DAB1: variants seen among roughly 807,000 people sequenced by gnomAD.
The protein encoded by DAB1 is DAB adaptor protein 1, also known as disabled homolog 1.
A neutral mutation model predicts 64.6 loss-of-function variants in DAB1; 15 were observed. The ratio of observed to expected loss-of-function variants is 0.23; its 90% CI spans 0.16 to 0.36. The LOEUF (loss-of-function observed/expected upper bound fraction) is 0.36, where lower values mean the gene tolerates loss of function less well. Ranked by LOEUF, DAB1 falls within the 10% of genes least tolerant of loss-of-function variation. The pLI is 1.00. For synonymous variants in DAB1, 235 were observed against 251.9 expected, an observed-to-expected ratio of 0.93 and a Z score of 0.64; for missense variants, 596 against 706.7, an observed-to-expected ratio of 0.84 and a Z score of 1.78.
chr1:58,151,967 G>T lies in DAB1; in HGVS notation n.310-1379C>A, dbSNP rs577262940. Among the ~76,000 whole-genome samples the T allele has an allele frequency of 3.3e-5, 5 of 152,266 alleles. No homozygotes were observed. The East Asian group carries it at 7.7e-4, about 23-fold the overall frequency. Reference sequence around the variant, plus strand: ...GTCTTTATCAGAGATTTAAGTAACAGAAGAATATCCCAGGCAGAGAGAACA... The same window carrying T: ...GTCTTTATCAGAGATTTAAGTAACATAAGAATATCCCAGGCAGAGAGAACA... On this transcript the variant is annotated intron_variant and non_coding_transcript_variant, in intron 4 of 20. Coordinates refer to the DAB1 transcript ENST00000485760.
chr1:57,510,549 T>C (rs929729792), intron 7 of DAB1, among the ~76,000 whole-genome samples: 6 of 152,150 alleles, frequency 3.9e-5, no homozygotes, highest in Non-Finnish European at 7.3e-5. Context: ...CTAAATATTA[T>C]TTGGCTTTCT....
At chr1:57,505,703 C>G (rs1007772342) in intron 7 of DAB1, among the ~76,000 whole-genome samples, 1 of 152,192 alleles carries the variant, frequency 6.6e-6, no homozygotes, top group African/African-American at 2.4e-5. Context: ...CAGGGTCTCA[C>G]TCTGTCCTCC....
At chr1:58,166,162 T>C (rs1397698043) in intron 4 of DAB1, among the ~76,000 whole-genome samples, 2 of 152,064 alleles carry the variant, frequency 1.3e-5, no homozygotes, top group Non-Finnish European at 2.9e-5. Context: ...TAAAGCTCTA[T>C]TGAGATATAA....
chr1:58,037,225 G>A lies in DAB1; in HGVS notation n.387+113286C>T, dbSNP rs147771937. Reference sequence around the variant, plus strand: ...CACACACAGATTTCTAGAGGCACCTGGGAGGGTATTTATCCTTAGAGGCAG... The same window carrying A: ...CACACACAGATTTCTAGAGGCACCTAGGAGGGTATTTATCCTTAGAGGCAG... On this transcript the variant is annotated intron_variant and non_coding_transcript_variant, in intron 5 of 20. Transcript: ENST00000485760. Among the ~76,000 whole-genome samples, 6 of 152,278 alleles carry A rather than the reference G, an allele frequency of 3.9e-5. No homozygotes were observed. The East Asian group carries it at 1.2e-3, about 29-fold the overall frequency.
At chr1:57,638,601 T>C (rs1475791710) in intron 7 of DAB1, among the ~76,000 whole-genome samples, 1 of 152,210 alleles carries the variant, frequency 6.6e-6, no homozygotes, top group African/African-American at 2.4e-5. Flanking sequence ...CTCAGGATTA[T>C]CACCTATTTC....
intron 5 of DAB1, among the ~76,000 whole-genome samples, chr1:58,134,388 A>T (rs192362149): frequency 6.6e-6 from 1 of 152,320 alleles, no homozygotes; most frequent in East Asian, 1.9e-4. Flanking sequence ...AACCTTTGTC[A>T]TCTAATCACA....
At chr1:57,699,779 G>T (rs1368282910) in intron 6 of DAB1, among the ~76,000 whole-genome samples, 2 of 152,106 alleles carry the variant, frequency 1.3e-5, no homozygotes, top group Non-Finnish European at 2.9e-5. Flanking sequence ...TCGGCGTGGT[G>T]GTGCGTGCCT....
At chr1:57,664,863 A>G (rs1185807614) in intron 6 of DAB1, among the ~76,000 whole-genome samples, 1 of 152,070 alleles carries the variant, frequency 6.6e-6, no homozygotes, top group Non-Finnish European at 1.5e-5. Flanking sequence ...TACTTTTGTA[A>G]AAAGTACTTA....
At chr1:58,288,388 T>G (rs1661741035) in intron 4 of DAB1, among the ~76,000 whole-genome samples, 1 of 152,234 alleles carries the variant, frequency 6.6e-6, no homozygotes, top group East Asian at 1.9e-4. Flanking sequence ...ATGGAAAATT[T>G]TCCAGTATGG....
rs2100962667 is a variant in DAB1, at chr1:57,179,813, G to C, written c.68-34384C>G. On this transcript the variant is annotated intron_variant, in intron 2 of 14. Transcript: ENST00000371236. ...ATTGCTTTACATGTCATAAGGAAAA[G>C]TACTATTTAAACAAGAGTAGCATTG... Among the ~76,000 whole-genome samples the C allele has an allele frequency of 1.3e-5, 2 of 152,240 alleles. 1 individual carries two copies. Among genetic ancestry groups the C allele is most frequent in the South Asian group, 4.2e-4 (2 of 4,818 alleles).
At chr1:58,358,999 G>A (rs1402885261) in intron 3 of DAB1, among the ~76,000 whole-genome samples, 1 of 121,292 alleles carries the variant, frequency 8.2e-6, no homozygotes, top group African/African-American at 2.8e-5. Context: ...TGGGATCTAG[G>A]TTAGGTCTGA....
chr1:58,466,550 C>T (rs551618957), intron 3 of DAB1, among the ~76,000 whole-genome samples: 1 of 152,080 alleles, frequency 6.6e-6, no homozygotes, highest in Non-Finnish European at 1.5e-5. Context: ...ATGGGATACT[C>T]GGGAAGAATG....
intron 1 of DAB1, among the ~76,000 whole-genome samples, chr1:57,367,733 C>G (rs1265792980): frequency 6.6e-6 from 1 of 152,144 alleles, no homozygotes; most frequent in Non-Finnish European, 1.5e-5. Flanking sequence ...GAGCACTGTC[C>G]CTTCTGAGTT....
At chr1:57,836,732 T>C (rs1393141283) in intron 1 of DAB1, among the ~76,000 whole-genome samples, 1 of 152,196 alleles carries the variant, frequency 6.6e-6, no homozygotes, top group Admixed American at 6.5e-5. Flanking sequence ...CCACACATAA[T>C]AGCTAACAGA....
In DAB1 at chr1:57,145,553, T is replaced by A. The variant is rs1008602115; in HGVS notation, c.68-124A>T. 3.1e-6 allele frequency: 3 copies of A among 981,824 alleles called. No individual in the cohort carries two copies. The African/African-American group carries it at 4.9e-5, about 16-fold the overall frequency. 60.8% of individuals were successfully genotyped at this position (981,824 alleles called of 1,614,324 possible). The stretch of plus-strand genomic sequence containing the variant: ...TTCCCGGAAAGTCAAATCACTGGAC[T>A]CAGGAGAAAAGAATAGCAGTATTCC... On this transcript the variant is annotated intron_variant, in intron 2 of 14. Coordinates refer to ENST00000371236, the MANE Select transcript of DAB1 (RefSeq NM_001365792.1).
At chr1:58,246,457 A>G (rs1460192465) in intron 4 of DAB1, among the ~76,000 whole-genome samples, 1 of 152,228 alleles carries the variant, frequency 6.6e-6, no homozygotes, top group Non-Finnish European at 1.5e-5. Context: ...ATGCATGAGG[A>G]GAGTCTACAG....
chr1:57,611,428 A>G (rs17470462), intron 7 of DAB1, among the ~76,000 whole-genome samples: 26,384 of 152,162 alleles, frequency 0.17, 2,335 homozygotes, highest in South Asian at 0.29. Context: ...AAGGCTGATT[A>G]TATGCATAAA....
intron 2 of DAB1, among the ~76,000 whole-genome samples, chr1:57,154,001 C>T (rs1659973037): frequency 6.6e-6 from 1 of 152,170 alleles, no homozygotes; most frequent in African/African-American, 2.4e-5. Context: ...ATACTAATCA[C>T]ATCATGGAGA....
chr1:57,931,728 T>C (rs1382696790), intron 5 of DAB1, among the ~76,000 whole-genome samples: 7 of 152,210 alleles, frequency 4.6e-5, no homozygotes, highest in Admixed American at 4.6e-4. Flanking sequence ...GCAATTTGTG[T>C]CCTTTGTCTT....
Sources: gnomAD v4.1 joint callset for allele counts (sites outside exome capture counted in the v4.1 genomes callset) on GRCh38, gnomAD v4.1.1 for gene constraint, MANE v1.5 for transcripts, NCBI Gene and HGNC (gene_info 2026-07-23, HGNC 2026-07-21) for gene names.